Variants in TRHDE observed in about 807,000 individuals in gnomAD.
TRHDE encodes the protein thyrotropin-releasing hormone-degrading ectoenzyme.
TRHDE carries 72 observed loss-of-function variants against 125.7 expected under a neutral mutation model. That is an observed-to-expected ratio of 0.57 (90% CI 0.47 to 0.70). The LOEUF is 0.70. Ranked by LOEUF, TRHDE falls within the 30% of genes least tolerant of loss-of-function variation. TRHDE has a pLI of 0.00. For synonymous variants in TRHDE, 509 were observed against 509.1 expected, an observed-to-expected ratio of 1.00 and a Z score of 0.00; for missense variants, 1,110 against 1,327.1, an observed-to-expected ratio of 0.84 and a Z score of 2.54.
chr12:72,088,827 C>G (rs1253396335), intron 1 of TRHDE, among the ~76,000 whole-genome samples: 2 of 151,922 alleles, frequency 1.3e-5, no homozygotes, highest in Non-Finnish European at 2.9e-5. Flanking sequence ...TCTCTCCTCC[C>G]CTCCCTTCTT....
At chr12:72,129,768 C>T (rs1875817246) in intron 2 of TRHDE, among the ~76,000 whole-genome samples, 1 of 152,070 alleles carries the variant, frequency 6.6e-6, no homozygotes, top group African/African-American at 2.4e-5. Context: ...TCATAGACAA[C>T]CCAAGAGAGG....
intron 2 of TRHDE, among the ~76,000 whole-genome samples, chr12:72,350,837 G>A (rs1470964382): frequency 6.6e-6 from 1 of 152,010 alleles, no homozygotes; most frequent in East Asian, 1.9e-4. Context: ...GTTTGGCTTA[G>A]CAAGGGAGAA....
chr12:72,484,443 A>C (rs1370184724), intron 5 of TRHDE, among the ~76,000 whole-genome samples: 2 of 152,182 alleles, frequency 1.3e-5, no homozygotes, highest in Non-Finnish European at 2.9e-5. Flanking sequence ...CATGTTAACT[A>C]GCAAAGAAGA....
chr12:72,391,199 C>T (rs1369080261), intron 3 of TRHDE, among the ~76,000 whole-genome samples: 2 of 152,114 alleles, frequency 1.3e-5, no homozygotes, highest in Non-Finnish European at 2.9e-5. Flanking sequence ...GAAAAATGTA[C>T]TCCTGGCCCA....
chr12:72,198,879 C>A (rs1490644993), intron 2 of TRHDE, among the ~76,000 whole-genome samples: 3 of 147,842 alleles, frequency 2.0e-5, no homozygotes, highest in Admixed American at 6.6e-5. Flanking sequence ...AGGAAACTTA[C>A]AATCATGGCA....
At chr12:72,184,971 C>T (rs1019382414) in intron 2 of TRHDE, among the ~76,000 whole-genome samples, 1 of 152,220 alleles carries the variant, frequency 6.6e-6, no homozygotes, top group Non-Finnish European at 1.5e-5. Flanking sequence ...CCCCACTGCA[C>T]TGTGGGAGCC....
At chr12:72,472,179 TA>T (rs1876680351) in intron 4 of TRHDE, among the ~76,000 whole-genome samples, 1 of 152,212 alleles carries the variant, frequency 6.6e-6, no homozygotes, top group Non-Finnish European at 1.5e-5. Flanking sequence ...TTTATTTTTT[TA>T]TCGTCTACCT....
At chr12:72,381,352 G>A (rs1165234303) in intron 3 of TRHDE, among the ~76,000 whole-genome samples, 1 of 151,920 alleles carries the variant, frequency 6.6e-6, no homozygotes, top group Non-Finnish European at 1.5e-5. Context: ...TTAGAGGTCA[G>A]AAGTGGTAGC....
At chr12:72,303,744 T>C (rs1868296150) in intron 2 of TRHDE, among the ~76,000 whole-genome samples, 1 of 152,162 alleles carries the variant, frequency 6.6e-6, no homozygotes, top group African/African-American at 2.4e-5. Flanking sequence ...AAAATTCATA[T>C]TGGCCATAAC....
rs141338023 is a variant in TRHDE, at chr12:72,400,916, G to A, written c.1315+22795G>A. Among the ~76,000 whole-genome samples the A allele has an allele frequency of 1.8e-4, 28 of 152,140 alleles. 1 individual carries two copies. The highest frequency in any genetic ancestry group is 1.8e-3 in the Admixed American group (28 of 15,262). On this transcript the variant is annotated intron_variant, in intron 3 of 18. Coordinates refer to ENST00000261180, the MANE Select transcript of TRHDE (RefSeq NM_013381.3). ...GAGTAAAATAATTTCTTCTTCTTGG[G>A]TTACTATATTTTATATACAGTTAAG...
chr12:72,353,139 ATGTAT>A (rs1870659007), intron 2 of TRHDE, among the ~76,000 whole-genome samples: 1 of 151,726 alleles, frequency 6.6e-6, no homozygotes, highest in East Asian at 1.9e-4. Flanking sequence ...TTTATTTAAA[ATGTAT>A]TGGTCAGATT....
chr12:72,497,036 C>T (rs561155388), intron 5 of TRHDE, among the ~76,000 whole-genome samples: 57 of 152,160 alleles, frequency 3.7e-4, no homozygotes, highest in Non-Finnish European at 7.6e-4. Context: ...TCCTGCCAGG[C>T]TTTTTTCTTT....
At chr12:72,381,794 T>A (rs538186032) in intron 3 of TRHDE, among the ~76,000 whole-genome samples, 1 of 152,306 alleles carries the variant, frequency 6.6e-6, no homozygotes, top group South Asian at 2.1e-4. Flanking sequence ...GAGGGTGGAA[T>A]TGCCATTTAG....
chr12:72,120,079 A>G, intron 2 of TRHDE, among the ~76,000 whole-genome samples: 1 of 148,684 alleles, frequency 6.7e-6, no homozygotes, highest in South Asian at 2.1e-4. Flanking sequence ...TTTGAGACGG[A>G]GTCTTGCTCT....
rs1322033351 is a variant in TRHDE at position 72,096,197 on chromosome 12, C to T, written n.174+8758C>T. 4.6e-5 allele frequency among the ~76,000 whole-genome samples: 7 copies of T among 151,190 alleles called. No homozygotes were observed. In the East Asian group the frequency reaches 1.4e-3, roughly 29 times the overall value. On this transcript the variant is annotated intron_variant and non_coding_transcript_variant, in intron 1 of 4. Transcript: ENST00000548156. ...CTATTGGTTGTATTTCTCTGGAGCA[C>T]TCTGACTAATATACTTAGTGGAATA...
chr12:72,224,981 A>G (rs1878094590), intron 2 of TRHDE, among the ~76,000 whole-genome samples: 1 of 152,136 alleles, frequency 6.6e-6, no homozygotes, highest in Non-Finnish European at 1.5e-5. Flanking sequence ...CTGGATCTAA[A>G]TAATTTTAGG....
intron 2 of TRHDE, among the ~76,000 whole-genome samples, chr12:72,326,968 G>C (rs1328008425): frequency 6.6e-6 from 1 of 152,076 alleles, no homozygotes; most frequent in Non-Finnish European, 1.5e-5. Context: ...ACACCTACAA[G>C]CTCTACAGTT....
chr12:72,247,705 A>G (rs1197394214), intron 2 of TRHDE, among the ~76,000 whole-genome samples: 1 of 152,246 alleles, frequency 6.6e-6, no homozygotes, highest in African/African-American at 2.4e-5. Flanking sequence ...ATATAATACA[A>G]TTATCACAAT....
At chr12:72,512,523 AATATATATGATTATATATATTC>A (rs1565772178) in intron 6 of TRHDE, among the ~76,000 whole-genome samples, 1 of 138,456 alleles carries the variant, frequency 7.2e-6, no homozygotes, top group African/African-American at 2.7e-5. Context: ...TATTATATAT[AATATATATGATTATATATATTC>A]ATATATAATC....
Sources: gnomAD v4.1 joint callset for allele counts (sites outside exome capture counted in the v4.1 genomes callset) on GRCh38, gnomAD v4.1.1 for gene constraint, MANE v1.5 for transcripts, NCBI Gene and HGNC (gene_info 2026-07-23, HGNC 2026-07-21) for gene names.